Variants in SLC44A1 observed in about 807,000 individuals in gnomAD.
The protein encoded by SLC44A1 is solute carrier family 44 member 1.
A neutral mutation model predicts 79.3 loss-of-function variants in SLC44A1; 26 were observed. That is an observed-to-expected ratio of 0.33 (90% CI 0.24 to 0.46). SLC44A1 has a LOEUF of 0.46. SLC44A1 is among the 20% of genes least tolerant of loss of function. The probability of loss-of-function intolerance (pLI) is 1.00; values close to 1 mark genes in which losing one functional copy is unlikely to be tolerated. For missense variants in SLC44A1, 688 were observed against 798.1 expected, an observed-to-expected ratio of 0.86 and a Z score of 1.66; for synonymous variants, 263 against 286.2, an observed-to-expected ratio of 0.92 and a Z score of 0.82.
downstream of SLC44A1, among the ~76,000 whole-genome samples, chr9:105,400,671 T>G (rs569070705): frequency 2.0e-5 from 3 of 152,290 alleles, no homozygotes; most frequent in Non-Finnish European, 4.4e-5. Flanking sequence ...AAATATTGAT[T>G]TATTAAAATG....
intron 1 of SLC44A1, among the ~76,000 whole-genome samples, chr9:105,261,158 G>A (rs1829829595): frequency 6.6e-6 from 1 of 152,130 alleles, no homozygotes; most frequent in Non-Finnish European, 1.5e-5. Flanking sequence ...AGGTTATAAT[G>A]AAGTCTTGGT....
chr9:105,271,125 G>A (rs1830067090), intron 1 of SLC44A1, among the ~76,000 whole-genome samples: 1 of 152,198 alleles, frequency 6.6e-6, no homozygotes, highest in East Asian at 1.9e-4. Context: ...AAGTCCTTCT[G>A]TTTTATAATT....
intron 1 of SLC44A1, among the ~76,000 whole-genome samples, chr9:105,279,596 G>A (rs991731656): frequency 6.6e-5 from 10 of 152,106 alleles, no homozygotes; most frequent in Admixed American, 4.6e-4. Context: ...GATTACAGGC[G>A]TGAGCCACTG....
chr9:105,303,857 A>G (rs926987160), intron 2 of SLC44A1, among the ~76,000 whole-genome samples: 1 of 152,116 alleles, frequency 6.6e-6, no homozygotes, highest in African/African-American at 2.4e-5. Flanking sequence ...GCTTGGCATC[A>G]CCTCTTCCTT....
chr9:105,406,474 C>T (rs1829030696), intron 15 of SLC44A1, among the ~76,000 whole-genome samples: 1 of 152,174 alleles, frequency 6.6e-6, no homozygotes, highest in African/African-American at 2.4e-5. Context: ...GACGTGGTGG[C>T]TCACACCTAT....
intron 4 of SLC44A1, among the ~76,000 whole-genome samples, chr9:105,339,041 T>A (rs1189511221): frequency 1.3e-5 from 2 of 152,166 alleles, no homozygotes; most frequent in African/African-American, 4.8e-5. Flanking sequence ...GGCAATAATT[T>A]CTTGGATGGT....
Position 105,289,677 on chromosome 9 carries a change from A to G in SLC44A1, c.37-9543A>G, listed in dbSNP as rs925697819. ...GTGAACTAAAAACATCTTAATTGAC[A>G]AAGACAATACCTAATTTTGATTTAG... On this transcript the variant is annotated intron_variant, in intron 1 of 15. Transcript: ENST00000374720. Among the ~76,000 whole-genome samples, 24 of 152,344 alleles carry G rather than the reference A, an allele frequency of 1.6e-4. 2 individuals are homozygous for G. The highest frequency in any genetic ancestry group is 1.3e-3 in the Admixed American group (20 of 15,304).
intron 1 of SLC44A1, among the ~76,000 whole-genome samples, chr9:105,280,121 A>G (rs1488114822): frequency 6.6e-6 from 1 of 152,256 alleles, no homozygotes; most frequent in Non-Finnish European, 1.5e-5. Context: ...AATTAAATTT[A>G]ACGTGATTTG....
Position 105,244,735 on chromosome 9 carries a change from C to G in SLC44A1, c.-134C>G. On this transcript the variant is annotated 5_prime_UTR_variant, in exon 1 of 16. Coordinates refer to ENST00000374720, the MANE Select transcript of SLC44A1 (RefSeq NM_080546.5). ...GCCGCCTCTTGAGTACCAGCCGCCGCTGCAGCCGCCGCCGCCGCCTAGCCG... is the reference window on the plus strand; with the variant it reads ...GCCGCCTCTTGAGTACCAGCCGCCGGTGCAGCCGCCGCCGCCGCCTAGCCG... 2.6e-6 allele frequency: 1 copy of G among 388,158 alleles called. No homozygotes were observed. The highest frequency in any genetic ancestry group is 4.1e-6 in the Non-Finnish European group (1 of 246,028). The allele number at this position is 388,158 out of a possible 1,614,324, so 24.0% of individuals were successfully genotyped here. A position where few individuals can be genotyped will look rare whatever the true frequency, so the allele number is the denominator to read the frequency against.
chr9:105,356,984 G>A (rs1288536006), intron 6 of SLC44A1, among the ~76,000 whole-genome samples: 1 of 152,184 alleles, frequency 6.6e-6, no homozygotes, highest in Non-Finnish European at 1.5e-5. Flanking sequence ...TTATCAGAAT[G>A]TATAGGCCTT....
At chr9:105,357,814 C>G (rs1389461933) in intron 6 of SLC44A1, among the ~76,000 whole-genome samples, 1 of 152,150 alleles carries the variant, frequency 6.6e-6, no homozygotes, top group Non-Finnish European at 1.5e-5. Context: ...GTCGGACCAT[C>G]CTTTGGAGTT....
At chr9:105,350,120 A>G (rs1031489246) in intron 5 of SLC44A1, among the ~76,000 whole-genome samples, 18 of 152,236 alleles carry the variant, frequency 1.2e-4, no homozygotes, top group African/African-American at 2.4e-4. Flanking sequence ...TGCTGAACCT[A>G]TACCATCTGA....
intron 2 of SLC44A1, among the ~76,000 whole-genome samples, chr9:105,307,974 A>T (rs1383961613): frequency 6.6e-6 from 1 of 152,190 alleles, no homozygotes; most frequent in African/African-American, 2.4e-5. Flanking sequence ...TGCTGCTAGC[A>T]GTTTGTGCTG....
At chr9:105,375,279 A>G (rs1166382586) in intron 13 of SLC44A1, among the ~76,000 whole-genome samples, 1 of 152,162 alleles carries the variant, frequency 6.6e-6, no homozygotes, top group African/African-American at 2.4e-5. Context: ...AGCTCAGGTG[A>G]TCCAACCGCC....
At chr9:105,388,992 T>A in intron 15 of SLC44A1, 41 bp from the exon 16 acceptor site, 1 of 1,476,530 alleles carries the variant, frequency 6.8e-7, no homozygotes, top group Non-Finnish European at 9.5e-7. Flanking sequence ...CTTTTAATGG[T>A]AATTGTCTAA....
In SLC44A1 at chr9:105,396,017, T is replaced by A; in HGVS notation, c.*6961T>A. The A allele has an allele frequency of 6.1e-6, 6 of 985,338 alleles. No homozygotes were observed. Among genetic ancestry groups the A allele is most frequent in the Non-Finnish European group, 7.2e-6 (6 of 829,918 alleles). The allele number at this position is 985,338 out of a possible 1,614,324, so 61.0% of individuals were successfully genotyped here. A position where few individuals can be genotyped will look rare whatever the true frequency, so the allele number is the denominator to read the frequency against. On this transcript the variant is annotated 3_prime_UTR_variant, in exon 16 of 16. Coordinates refer to ENST00000374720, the MANE Select transcript of SLC44A1 (RefSeq NM_080546.5). ...ATTAAGTAGATTTTCCCCCATCCTCTAGGTTCCTGTAGTCTGTGCTCAGAA... is the reference window on the plus strand; with the variant it reads ...ATTAAGTAGATTTTCCCCCATCCTCAAGGTTCCTGTAGTCTGTGCTCAGAA...
chr9:105,256,901 C>G (rs1829722393), intron 1 of SLC44A1, among the ~76,000 whole-genome samples: 1 of 151,766 alleles, frequency 6.6e-6, no homozygotes, highest in Non-Finnish European at 1.5e-5. Context: ...ATTCTCCTGC[C>G]TCAGCCTCCT....
rs1829384926 is a variant in SLC44A1 at position 105,244,817 on chromosome 9, C to G, written c.-52C>G. ...CCGCCGGCTCGCATGCCGAGGGGCTCCGGGGCGTAGCTGCGCGCCCGGCGC... is the reference window on the plus strand; with the variant it reads ...CCGCCGGCTCGCATGCCGAGGGGCTGCGGGGCGTAGCTGCGCGCCCGGCGC... On this transcript the variant is annotated 5_prime_UTR_variant, in exon 1 of 16. Coordinates refer to ENST00000374720, the MANE Select transcript of SLC44A1 (RefSeq NM_080546.5). 2.5e-5 allele frequency: 27 copies of G among 1,088,636 alleles called. No homozygotes were observed. Among genetic ancestry groups the G allele is most frequent in the Non-Finnish European group, 2.9e-5 (26 of 892,356 alleles). 67.4% of individuals were successfully genotyped at this position (1,088,636 alleles called of 1,614,324 possible).
At chr9:105,288,663 C>T (rs418057) in intron 1 of SLC44A1, among the ~76,000 whole-genome samples, 33,212 of 152,130 alleles carry the variant, frequency 0.22, 6,515 homozygotes, top group African/African-American at 0.53. Flanking sequence ...TTTAATATTT[C>T]GGATTATTTC....
Sources: gnomAD v4.1 joint callset for allele counts (sites outside exome capture counted in the v4.1 genomes callset) on GRCh38, gnomAD v4.1.1 for gene constraint, MANE v1.5 for transcripts, NCBI Gene and HGNC (gene_info 2026-07-23, HGNC 2026-07-21) for gene names.